The following CHAT variants were observed in gnomAD, a reference collection of about 807,000 sequenced individuals.
CHAT encodes choline O-acetyltransferase.
CHAT carries 61 observed loss-of-function variants against 76.9 expected under a neutral mutation model. That is an observed-to-expected ratio of 0.79 (90% CI 0.65 to 0.98). The LOEUF is 0.98. CHAT is among the 50% of genes least tolerant of loss of function. CHAT has a pLI of 0.00. For synonymous variants in CHAT, 407 were observed against 397.4 expected (o/e 1.02, Z -0.29); for missense variants, 946 against 986.9 (o/e 0.96, Z 0.56).
chr10:49,610,366 G>T (rs1838257109), upstream of CHAT: 2 of 216,096 alleles, frequency 9.3e-6, no homozygotes, highest in African/African-American at 2.3e-5. Context: ...CGGGCAAGCG[G>T]GCGGGCGGCA....
At chr10:49,611,223 C>A, upstream of CHAT, 1 of 1,613,998 alleles carries the variant, frequency 6.2e-7, no homozygotes, top group Non-Finnish European at 8.5e-7. Context: ...GCCTGGGCGT[C>A]ATGTTCGCCT....
chr10:49,616,655 C>A, intron 2 of CHAT, 53 bp downstream of exon 2: 1 of 1,279,228 alleles, frequency 7.8e-7, no homozygotes, highest in Non-Finnish European at 1.1e-6. Flanking sequence ...CCTACATGCC[C>A]TTGCTTCTAG....
chr10:49,636,940 A>G (rs1360670014), intron 7 of CHAT, among the ~76,000 whole-genome samples: 2 of 151,858 alleles, frequency 1.3e-5, no homozygotes, highest in Non-Finnish European at 2.9e-5. Flanking sequence ...TGTGTATAGA[A>G]TTGTTCATAG....
At chr10:49,624,913 G>A (rs934936432) in intron 5 of CHAT, among the ~76,000 whole-genome samples, 1 of 151,906 alleles carries the variant, frequency 6.6e-6, no homozygotes, top group African/African-American at 2.4e-5. Context: ...GTGGGTGGAA[G>A]GAGGGATGGA....
intron 6 of CHAT, among the ~76,000 whole-genome samples, chr10:49,627,086 G>A (rs1446098441): frequency 1.3e-5 from 2 of 152,196 alleles, no homozygotes; most frequent in African/African-American, 4.8e-5. Context: ...GGGTAGACAT[G>A]CCCTAGACAT....
At position 49,666,494 on chromosome 10, in the gene CHAT, C is replaced by T. The variant is rs957211496; in HGVS notation, c.*1448C>T. On this transcript the variant is annotated 3_prime_UTR_variant, in exon 15 of 15. Transcript: ENST00000337653. ...TGTTCTGCTCCACATCCCTCCAATC[C>T]TGCTGCTTCCTGCTGAGCACTCTGC... Among the ~76,000 whole-genome samples the T allele has an allele frequency of 6.6e-6, 1 of 152,228 alleles. No individual in the cohort carries two copies. Among genetic ancestry groups the T allele is most frequent in the African/African-American group, 2.4e-5 (1 of 41,468 alleles).
In CHAT at chr10:49,645,775, C is replaced by T. The variant is rs79131636; in HGVS notation, c.1112-730C>T. The stretch of plus-strand genomic sequence containing the variant: ...GGGATTCCCTTTTGAGACCTGCTTA[C>T]TCTAGAAGAATGTCTAGAGGAGCCT... On this transcript the variant is annotated intron_variant, in intron 7 of 14. Coordinates refer to ENST00000337653, the MANE Select transcript of CHAT (RefSeq NM_020549.5). Among the ~76,000 whole-genome samples the T allele has an allele frequency of 1.6e-4, 25 of 152,314 alleles. No individual in the cohort carries two copies. The East Asian group carries it at 4.8e-3, about 29-fold the overall frequency.
At chr10:49,640,966 G>A (rs1416918111) in intron 7 of CHAT, among the ~76,000 whole-genome samples, 1 of 152,220 alleles carries the variant, frequency 6.6e-6, no homozygotes, top group African/African-American at 2.4e-5. Flanking sequence ...GTATTAGTCT[G>A]TAGAGCTGGC....
intron 7 of CHAT, among the ~76,000 whole-genome samples, chr10:49,641,452 C>T (rs1839478096): frequency 6.6e-6 from 1 of 152,182 alleles, no homozygotes; most frequent in African/African-American, 2.4e-5. Flanking sequence ...GGAAGACCCT[C>T]TATCCAGAGC....
intron 13 of CHAT, among the ~76,000 whole-genome samples, chr10:49,657,131 T>C (rs1247240641): frequency 1.3e-5 from 2 of 152,030 alleles, no homozygotes. Context: ...AACAGATAAT[T>C]ATTTTTTAAA....
chr10:49,630,195 A>G (rs1839068578), intron 7 of CHAT, among the ~76,000 whole-genome samples: 2 of 152,174 alleles, frequency 1.3e-5, no homozygotes, highest in Admixed American at 6.5e-5. Context: ...CAGCGCATAA[A>G]TGATCCTTAA....
Position 49,664,777 on chromosome 10 carries a change from G to T in CHAT, c.1978G>T (p.Val660Leu), listed in dbSNP as rs1449333309. Residue 660 changes from valine (V) to leucine (L), a missense_variant and splice_region_variant, in exon 15 of 15, where the codon GTG becomes TTG. Val to Leu is a conservative substitution (Grantham distance 32). This residue lies in a region of CHAT where 349 missense variants were observed against 393.9 expected (regional missense o/e 0.89). Coordinates refer to ENST00000337653, the MANE Select transcript of CHAT (RefSeq NM_020549.5). ...GCTCCTGACCTGTCCTCTCCTCCAGGTGCCCACAACCACGGAGATGTTCTG... is the reference window on the plus strand; with the variant it reads ...GCTCCTGACCTGTCCTCTCCTCCAGTTGCCCACAACCACGGAGATGTTCTG... ...SNRFVLSTSQ[V>L]PTTTEMFCCY... 1 of 1,614,192 alleles carries T rather than the reference G, an allele frequency of 6.2e-7. No individual in the cohort carries two copies. The highest frequency in any genetic ancestry group is 8.5e-7 in the Non-Finnish European group (1 of 1,180,048).
rs1267536705 is a variant in CHAT at position 49,646,511 on chromosome 10, C to T, written c.1118C>T (p.Thr373Ile). Residue 373 changes from threonine (T) to isoleucine (I), a missense_variant, in exon 8 of 15, where the codon ACC becomes ATC. Thr to Ile is a moderately conservative substitution (Grantham distance 89). Transcript: ENST00000337653. ...GTGCCTGCCTCCCCTGCAGACTCCA[C>T]CAACCGGGACTCGCTGGACATGATT... Reference protein sequence around the residue: ...EARTVLVKDSTNRDSLDMIER... With the variant: ...EARTVLVKDSINRDSLDMIER... The T allele has an allele frequency of 6.2e-7, 1 of 1,614,202 alleles. No homozygotes were observed. The highest frequency in any genetic ancestry group is 8.5e-7 in the Non-Finnish European group (1 of 1,180,030).
chr10:49,637,619 G>A (rs1839340112), intron 7 of CHAT: 1 of 152,674 alleles, frequency 6.5e-6, no homozygotes, highest in Non-Finnish European at 1.5e-5. Flanking sequence ...TGCCATGATT[G>A]TAAATTTCCT....
chr10:49,658,442 C>T (rs1023831556), intron 13 of CHAT, among the ~76,000 whole-genome samples: 6 of 152,174 alleles, frequency 3.9e-5, no homozygotes, highest in South Asian at 4.1e-4. Context: ...AGCTTGAACC[C>T]GGGAGGTGGA....
At chr10:49,647,998 A>G in intron 8 of CHAT, 1 of 193,330 alleles carries the variant, frequency 5.2e-6, no homozygotes, top group South Asian at 1.0e-4. Context: ...GTCTCAGGAT[A>G]GCAAGGCAGG....
At chr10:49,648,709 GA>G in intron 9 of CHAT, 102 bp downstream of exon 9, 1 of 707,470 alleles carries the variant, frequency 1.4e-6, no homozygotes, top group Non-Finnish European at 2.5e-6. Flanking sequence ...AGATGAATTT[GA>G]AAAAAATGTG....
In CHAT at chr10:49,621,782, A is replaced by G. The variant is rs4488118; in HGVS notation, c.699-315A>G. Among the ~76,000 whole-genome samples the G allele has an allele frequency of 0.98, 148,688 of 152,096 alleles. 72,734 individuals carry two copies. The highest frequency in any genetic ancestry group is 1 in the East Asian group (5,148 of 5,148). ...GTTTCCTCTCCCTTCCCCAAGAGCT[A>G]CTCGACCCCCAGTTCTCACCAAAGG... On this transcript the variant is annotated intron_variant, in intron 4 of 14. Coordinates refer to ENST00000337653, the MANE Select transcript of CHAT (RefSeq NM_020549.5).
rs1304006302 is a variant in CHAT, at chr10:49,614,380, C to A, written c.191C>A (p.Ala64Glu). The change falls in exon 1 of 15, where the codon GCG becomes GAG. Residue 64 changes from alanine to glutamate, a missense_variant. By Grantham distance (107) the Ala-to-Glu change is moderately radical. Around this residue, in one of 3 missense-constraint regions of CHAT, gnomAD observed 548 missense variants for 516.2 expected, o/e 1.06. Coordinates refer to ENST00000337653, the MANE Select transcript of CHAT (RefSeq NM_020549.5). ...NPGCSPHPRA[A>E]TRPPPLPAHT... ...GGCTGCAGCCCCCACCCCCGCGCTG[C>A]GACACGCCCCCCACCCCTTCCGGCT... 4.5e-6 allele frequency: 7 copies of A among 1,541,676 alleles called. No homozygotes were observed. Among genetic ancestry groups the A allele is most frequent in the Non-Finnish European group, 5.3e-6 (6 of 1,142,056 alleles).
Sources: allele counts gnomAD v4.1 joint callset (sites outside exome capture counted in the v4.1 genomes callset), GRCh38; gene constraint gnomAD v4.1.1; regional missense constraint gnomAD v4.1.1; transcripts MANE v1.5; gene names NCBI Gene and HGNC (gene_info 2026-07-23, HGNC 2026-07-21).